Variants in CDON observed in about 807,000 individuals in gnomAD.
CDON encodes the protein cell adhesion associated, oncogene regulated.
CDON carries 73 observed loss-of-function variants against 120.9 expected under a neutral mutation model. The observed-to-expected ratio is 0.60, with a 90% confidence interval of 0.50 to 0.73. The LOEUF (loss-of-function observed/expected upper bound fraction) is 0.73. CDON is among the 30% of genes least tolerant of loss of function. The pLI, the probability that CDON is intolerant of heterozygous loss-of-function variation, is 0.00. For synonymous variants in CDON, 566 were observed against 573.5 expected (o/e 0.99, Z 0.19); for missense variants, 1,470 against 1,587.3 (o/e 0.93, Z 1.26).
At chr11:126,039,985 C>A (rs1948212211) in intron 1 of CDON, among the ~76,000 whole-genome samples, 1 of 152,102 alleles carries the variant, frequency 6.6e-6, no homozygotes, top group Non-Finnish European at 1.5e-5. Flanking sequence ...GCACTTATGG[C>A]CTTCACTTTC....
intron 7 of CDON, among the ~76,000 whole-genome samples, chr11:126,011,632 A>T (rs1947306308): frequency 6.6e-6 from 1 of 152,058 alleles, no homozygotes; most frequent in Non-Finnish European, 1.5e-5. Flanking sequence ...TCTTTTGTTT[A>T]GGTATGCATG....
At chr11:125,981,392 A>T in intron 16 of CDON, 63 bp from the exon 17 acceptor site, 1 of 1,516,210 alleles carries the variant, frequency 6.6e-7, no homozygotes, top group Non-Finnish European at 9.0e-7. Context: ...ACATGCACAT[A>T]CGCACACACG....
intron 1 of CDON, among the ~76,000 whole-genome samples, chr11:126,044,211 AAAGT>A (rs1410291860): frequency 2.0e-5 from 3 of 152,238 alleles, no homozygotes; most frequent in Non-Finnish European, 4.4e-5. Context: ...TCATCAACAA[AAAGT>A]AATTATTAAT....
At position 125,994,897 on chromosome 11, in the gene CDON, C is replaced by T. The variant is rs369440912; in HGVS notation, c.2518G>A (p.Asp840Asn). Residue 840 changes from aspartate to asparagine, a missense_variant, in exon 13 of 20, where the codon GAT becomes AAT. Coordinates refer to ENST00000531738, the MANE Select transcript of CDON (RefSeq NM_001378964.1). ...GTCCACTTTAGCATGATCTGAGTAT[C>T]GCTGACAGCCTCTGTGTATGCAATG... Reference protein sequence around the residue: ...PHIAYTEAVSDTQIMLKWTYI... With the variant: ...PHIAYTEAVSNTQIMLKWTYI... 47 of 1,613,926 alleles carry T rather than the reference C, an allele frequency of 2.9e-5. No homozygotes were observed. Among genetic ancestry groups the T allele is most frequent in the Non-Finnish European group, 3.8e-5 (45 of 1,179,982 alleles).
intron 18 of CDON, among the ~76,000 whole-genome samples, chr11:125,969,183 A>G (rs572781221): frequency 4.6e-5 from 7 of 152,288 alleles, no homozygotes; most frequent in Admixed American, 6.5e-5. Context: ...TTTTTAGTAG[A>G]GACAGGGTTT....
chr11:126,038,188 A>C (rs1948153044), intron 1 of CDON, among the ~76,000 whole-genome samples: 1 of 152,214 alleles, frequency 6.6e-6, no homozygotes, highest in African/African-American at 2.4e-5. Context: ...TTCACTTTAC[A>C]TTCAGGTAAA....
At chr11:126,029,217 T>C (rs1250932679) in intron 1 of CDON, among the ~76,000 whole-genome samples, 1 of 152,280 alleles carries the variant, frequency 6.6e-6, no homozygotes, top group East Asian at 1.9e-4. Context: ...TTTTAAACAA[T>C]ATTCTAAAGT....
At position 126,010,424 on chromosome 11, in the gene CDON, A is replaced by C; in HGVS notation, c.1469T>G (p.Val490Gly). 1 of 1,614,130 alleles carries C rather than the reference A, an allele frequency of 6.2e-7. No individual in the cohort carries two copies. The highest frequency in any genetic ancestry group is 8.5e-7 in the Non-Finnish European group (1 of 1,179,996). The stretch of plus-strand genomic sequence containing the variant: ...GTATTTCCCCGCATGTTCCTGAGTC[A>C]CAGCCTGAATATGGAGAGAGCTTGC... ...AGASSLHIQA[V>G]TQEHAGKYIC... The change falls in exon 8 of 20, where the codon GTG (valine) becomes GGG (glycine). Residue 490 changes from valine (V) to glycine (G), a missense_variant. By Grantham distance (109) the Val-to-Gly change is moderately radical. Transcript: ENST00000531738.
chr11:125,977,954 A>T (rs141598675), intron 18 of CDON, among the ~76,000 whole-genome samples: 1 of 152,266 alleles, frequency 6.6e-6, no homozygotes, highest in African/African-American at 2.4e-5. Context: ...ATTCATCCTC[A>T]TAACATCCCA....
At position 125,997,301 on chromosome 11, in the gene CDON, G is replaced by A. The variant is rs756370097; in HGVS notation, c.2268C>T (p.Val756=). ...NGGSPITAFK[V]EYKRMRTSNW... ...TGCTGGTCCTCATCCGTTTATATTC[G>A]ACTTTGAAGGCAGTGATTGGAGAAC... is the stretch of plus-strand genomic sequence containing the variant. The change falls in exon 12 of 20, where the codon GTC becomes GTT. Residue 756 remains valine, a synonymous_variant. Coordinates refer to ENST00000531738, the MANE Select transcript of CDON (RefSeq NM_001378964.1). 28 of 1,613,808 alleles carry A rather than the reference G, an allele frequency of 1.7e-5. No homozygotes were observed. The Admixed American group carries it at 2.0e-4, about 12-fold the overall frequency.
intron 18 of CDON, among the ~76,000 whole-genome samples, chr11:125,969,263 G>A (rs930238012): frequency 5.9e-5 from 9 of 152,178 alleles, no homozygotes; most frequent in Non-Finnish European, 1.2e-4. Flanking sequence ...CTCCCAAAGT[G>A]CTGGGATTAC....
intron 1 of CDON, among the ~76,000 whole-genome samples, chr11:126,059,510 G>A (rs986231394): frequency 1.6e-3 from 33 of 20,186 alleles, no homozygotes; most frequent in African/African-American, 2.1e-3. Context: ...CCCAATCCCC[G>A]CTCTGCTCCA....
chr11:126,041,725 T>C (rs1948268023), intron 1 of CDON, among the ~76,000 whole-genome samples: 1 of 152,216 alleles, frequency 6.6e-6, no homozygotes, highest in Non-Finnish European at 1.5e-5. Context: ...TCCCGCCTCT[T>C]GCCAACACTT....
chr11:126,018,661 T>C (rs1056595954), intron 4 of CDON, among the ~76,000 whole-genome samples, 188 bp from the exon 5 acceptor site: 22 of 152,090 alleles, frequency 1.4e-4, no homozygotes, highest in African/African-American at 5.1e-4. Context: ...CTGGAACTCC[T>C]GGACTCAAGC....
chr11:126,037,670 A>C (rs1948137163), intron 1 of CDON, among the ~76,000 whole-genome samples: 8 of 152,196 alleles, frequency 5.3e-5, no homozygotes, highest in Admixed American at 5.2e-4. Flanking sequence ...TGGTATAAAA[A>C]AGTTTCAAAA....
intron 18 of CDON, among the ~76,000 whole-genome samples, chr11:125,973,051 C>T (rs1025092105): frequency 4.9e-4 from 41 of 84,494 alleles, no homozygotes; most frequent in Non-Finnish European, 1.1e-3. Context: ...TTAAATCCCT[C>T]AGACTCATTC....
chr11:125,990,397 G>C (rs1351915021), intron 14 of CDON, among the ~76,000 whole-genome samples: 2 of 152,180 alleles, frequency 1.3e-5, no homozygotes, highest in East Asian at 1.9e-4. Flanking sequence ...ATCTCTAGCA[G>C]AATGATTCTG....
intron 1 of CDON, among the ~76,000 whole-genome samples, chr11:126,048,066 CG>C (rs1948447866): frequency 6.6e-6 from 1 of 151,964 alleles, no homozygotes; most frequent in Non-Finnish European, 1.5e-5. Flanking sequence ...CACTTGAGGT[CG>C]GAAGTTCAAG....
chr11:126,027,590 A>T (rs1440114774), intron 1 of CDON, among the ~76,000 whole-genome samples: 2 of 152,222 alleles, frequency 1.3e-5, no homozygotes, highest in Non-Finnish European at 2.9e-5. Flanking sequence ...TGTTTGACAA[A>T]GTTTACCATA....
Sources: gnomAD v4.1 joint callset for allele counts (sites outside exome capture counted in the v4.1 genomes callset) on GRCh38, gnomAD v4.1.1 for gene constraint, MANE v1.5 for transcripts, NCBI Gene and HGNC (gene_info 2026-07-23, HGNC 2026-07-21) for gene names.